Variants in SHISA6 observed in about 807,000 individuals in gnomAD.
SHISA6 encodes protein shisa-6.
Under a neutral mutation model 47.9 loss-of-function variants are expected in SHISA6, and 22 were observed. The ratio of observed to expected loss-of-function variants is 0.46; its 90% CI spans 0.33 to 0.66. The LOEUF (loss-of-function observed/expected upper bound fraction) is 0.66. SHISA6 is among the 30% of genes least tolerant of loss of function. SHISA6 has a pLI of 0.02. For synonymous variants in SHISA6, 388 were observed against 337.8 expected, an observed-to-expected ratio of 1.15 and a Z score of -1.63; for missense variants, 680 against 764.6, an observed-to-expected ratio of 0.89 and a Z score of 1.30.
At chr17:11,309,508 A>G (rs1910245425) in intron 2 of SHISA6, among the ~76,000 whole-genome samples, 2 of 152,208 alleles carry the variant, frequency 1.3e-5, no homozygotes, top group Admixed American at 1.3e-4. Flanking sequence ...GGATTGGGCC[A>G]TTCCCTGCTT....
intron 3 of SHISA6, among the ~76,000 whole-genome samples, chr17:11,551,317 C>T (rs925779429): frequency 6.6e-6 from 1 of 152,136 alleles, no homozygotes; most frequent in African/African-American, 2.4e-5. Flanking sequence ...AACTATTAGA[C>T]TGTGTCATTT....
intron 1 of SHISA6, among the ~76,000 whole-genome samples, chr17:11,255,457 C>T (rs541881863): frequency 6.6e-6 from 1 of 152,286 alleles, no homozygotes; most frequent in East Asian, 1.9e-4. Context: ...CCTTCTGTGC[C>T]CCATTTGACT....
chr17:11,242,073 C>T lies in SHISA6; in HGVS notation c.638+13C>T. 6.5e-7 allele frequency: 1 copy of T among 1,549,320 alleles called. No individual in the cohort carries two copies. The highest frequency in any genetic ancestry group is 1.2e-5 in the South Asian group (1 of 84,036). On this transcript the variant is annotated intron_variant, in intron 1 of 5. Coordinates refer to ENST00000441885, the MANE Select transcript of SHISA6 (RefSeq NM_207386.4). ...TGAACATCCACAGGTGAGAGCGCCGCGTGCCGCGCGCCCCGGTCTCCCCGC... is the reference window on the plus strand; with the variant it reads ...TGAACATCCACAGGTGAGAGCGCCGTGTGCCGCGCGCCCCGGTCTCCCCGC...
chr17:11,408,479 A>G (rs1223902170), intron 3 of SHISA6, among the ~76,000 whole-genome samples: 1 of 152,210 alleles, frequency 6.6e-6, no homozygotes, highest in African/African-American at 2.4e-5. Flanking sequence ...AAGAATTAAG[A>G]CATTTAATCA....
chr17:11,383,667 C>T (rs192602059), intron 3 of SHISA6, among the ~76,000 whole-genome samples: 1 of 152,252 alleles, frequency 6.6e-6, no homozygotes, highest in East Asian at 1.9e-4. Flanking sequence ...GAATGGCATA[C>T]TCATTCTTTC....
At chr17:11,405,407 TAA>T (rs5819315) in intron 3 of SHISA6, among the ~76,000 whole-genome samples, 16 of 151,494 alleles carry the variant, frequency 1.1e-4, no homozygotes, top group African/African-American at 3.4e-4. Context: ...CTGGGGAACT[TAA>T]AAAAAAATCC....
chr17:11,267,810 G>C (rs1310456798), intron 2 of SHISA6, among the ~76,000 whole-genome samples: 1 of 152,174 alleles, frequency 6.6e-6, no homozygotes, highest in Non-Finnish European at 1.5e-5. Context: ...ATCTGAGAGA[G>C]GGAGGAGGTC....
intron 2 of SHISA6, among the ~76,000 whole-genome samples, chr17:11,291,507 G>A (rs1045356032): frequency 1.3e-5 from 2 of 151,922 alleles, no homozygotes; most frequent in East Asian, 3.9e-4. Flanking sequence ...GGTGGCGGGC[G>A]CCTGTAGTCC....
At chr17:11,354,582 T>A (rs1281558938) in intron 2 of SHISA6, among the ~76,000 whole-genome samples, 1 of 152,156 alleles carries the variant, frequency 6.6e-6, no homozygotes, top group African/African-American at 2.4e-5. Context: ...TGTTAATGCC[T>A]CCAAGGTCAC....
chr17:11,410,584 G>T (rs1453204908), intron 3 of SHISA6, among the ~76,000 whole-genome samples: 1 of 152,134 alleles, frequency 6.6e-6, no homozygotes, highest in East Asian at 1.9e-4. Context: ...CTGATAAGCT[G>T]CCCTGCAATA....
intron 3 of SHISA6, among the ~76,000 whole-genome samples, chr17:11,392,507 T>G (rs1913419616): frequency 6.6e-6 from 1 of 152,198 alleles, no homozygotes; most frequent in South Asian, 2.1e-4. Flanking sequence ...GCTTCCTAGA[T>G]GCTCTCTTGC....
chr17:11,464,260 A>G (rs903514558), intron 3 of SHISA6, among the ~76,000 whole-genome samples: 1 of 152,188 alleles, frequency 6.6e-6, no homozygotes, highest in African/African-American at 2.4e-5. Flanking sequence ...CATTAGCTGT[A>G]TGATCAACAG....
chr17:11,465,762 A>G (rs937126181), intron 3 of SHISA6, among the ~76,000 whole-genome samples: 6 of 152,108 alleles, frequency 3.9e-5, no homozygotes, highest in Non-Finnish European at 8.8e-5. Context: ...AGCTTCATAC[A>G]TGGTCACTTT....
intron 2 of SHISA6, among the ~76,000 whole-genome samples, chr17:11,267,062 G>A (rs1252148277): frequency 6.6e-6 from 1 of 152,186 alleles, no homozygotes; most frequent in Admixed American, 6.5e-5. Context: ...ATATTTCTTA[G>A]ATGTGAAAGT....
chr17:11,489,174 G>T (rs1015015181), intron 3 of SHISA6, among the ~76,000 whole-genome samples: 1 of 151,914 alleles, frequency 6.6e-6, no homozygotes, highest in Non-Finnish European at 1.5e-5. Context: ...TATTCCCTTT[G>T]TTTAGGGAGA....
At chr17:11,263,223 A>T (rs1285980514) in intron 1 of SHISA6, 143 bp from the exon 2 acceptor site, 4 of 829,536 alleles carry the variant, frequency 4.8e-6, no homozygotes, top group Non-Finnish European at 7.5e-6. Context: ...CACCAGATGT[A>T]GCTGACTATT....
chr17:11,491,441 C>A (rs537418296), intron 3 of SHISA6, among the ~76,000 whole-genome samples: 1 of 152,258 alleles, frequency 6.6e-6, no homozygotes, highest in East Asian at 1.9e-4. Flanking sequence ...GCTGGGACTA[C>A]AAGCGAGTGT....
chr17:11,529,112 G>A (rs2071711550), intron 3 of SHISA6, among the ~76,000 whole-genome samples: 1 of 151,622 alleles, frequency 6.6e-6, no homozygotes, highest in African/African-American at 2.4e-5. Context: ...AGAATCGCGT[G>A]AACCCAGGAG....
intron 3 of SHISA6, among the ~76,000 whole-genome samples, chr17:11,538,020 G>A (rs1356512005): frequency 6.6e-6 from 1 of 152,190 alleles, no homozygotes; most frequent in Non-Finnish European, 1.5e-5. Context: ...TGGAGGACCT[G>A]AGTATGGCTT....
Sources: allele counts gnomAD v4.1 joint callset (sites outside exome capture counted in the v4.1 genomes callset), GRCh38; gene constraint gnomAD v4.1.1; transcripts MANE v1.5; gene names NCBI Gene and HGNC (gene_info 2026-07-23, HGNC 2026-07-21).